Variants in ZNF574 observed in about 807,000 individuals in gnomAD.
ZNF574 encodes zinc finger protein 574.
A neutral mutation model predicts 56.6 loss-of-function variants in ZNF574; 25 were observed. That is an observed-to-expected ratio of 0.44 (90% CI 0.32 to 0.62). ZNF574 has a LOEUF of 0.62. Among genes scored for constraint, ZNF574 ranks in the 20% least tolerant of loss-of-function variants. ZNF574 has a pLI of 0.04. For synonymous variants in ZNF574, 543 were observed against 492.1 expected (o/e 1.10, Z -1.37); for missense variants, 1,065 against 1,218.9 (o/e 0.87, Z 1.88).
intron 1 of ZNF574, among the ~76,000 whole-genome samples, chr19:42,069,847 G>A (rs995427880): frequency 2.0e-5 from 3 of 152,176 alleles, no homozygotes; most frequent in Non-Finnish European, 4.4e-5. Flanking sequence ...GCATGCTGGG[G>A]GCGGGGAGAG....
Position 42,079,897 on chromosome 19 carries a change from G to A in ZNF574, c.1291G>A (p.Val431Ile). 1 of 1,614,066 alleles carries A rather than the reference G, an allele frequency of 6.2e-7. No individual in the cohort carries two copies. Among genetic ancestry groups the A allele is most frequent in the Non-Finnish European group, 8.5e-7 (1 of 1,180,020 alleles). The change falls in exon 2 of 2, where the codon GTC becomes ATC. Residue 431 changes from valine (V) to isoleucine (I), a missense_variant. By Grantham distance (29) the Val-to-Ile change is conservative. Coordinates refer to ENST00000359044, the MANE Select transcript of ZNF574 (RefSeq NM_022752.6). The surrounding 1 kb of genome is among the most constrained non-coding windows in gnomAD (Gnocchi z 4.3). ...AACACCAGTCCCACCAGAGGAACCT[G>A]TCATTGGTTTCCCTGAGCCAGCCCC... ...PTTPVPPEEP[V>I]IGFPEPAPAE...
rs201030946 is a variant in ZNF574, at chr19:42,081,012, C to T, written c.2406C>T (p.Ala802=). 41 of 1,614,208 alleles carry T rather than the reference C, an allele frequency of 2.5e-5. No homozygotes were observed. Among genetic ancestry groups the T allele is most frequent in the Non-Finnish European group, 3.5e-5 (41 of 1,180,050 alleles). ...TTGCCTGTGAAGTGTGTGGCAAGGC[C>T]TTTGCCATCTCCATGCGCCTGGCAG... ...RPFACEVCGK[A]FAISMRLAEH... is the part of the protein sequence containing the mutation. The change falls in exon 2 of 2, where the codon GCC becomes GCT. Residue 802 remains alanine (A), a synonymous_variant. Transcript: ENST00000359044.
In ZNF574 at chr19:42,078,247, G is replaced by A. The variant is rs144679854; in HGVS notation, c.-20-340G>A. Among the ~76,000 whole-genome samples, 318 of 152,180 alleles carry A rather than the reference G, an allele frequency of 2.1e-3. 1 individual carries two copies. Among genetic ancestry groups the A allele is most frequent in the Non-Finnish European group, 2.8e-3 (191 of 68,002 alleles). On this transcript the variant is annotated intron_variant, in intron 1 of 1. Coordinates refer to ENST00000359044, the MANE Select transcript of ZNF574 (RefSeq NM_022752.6). ...GTCAGTGGAAGGAGGTCTGAGTGGAGGTTCCCATGTGCTGGGCGGAACTGT... is the reference window on the plus strand; with the variant it reads ...GTCAGTGGAAGGAGGTCTGAGTGGAAGTTCCCATGTGCTGGGCGGAACTGT...
chr19:42,080,998 G>A lies in ZNF574; in HGVS notation c.2392G>A (p.Val798Met). 2 of 1,614,246 alleles carry A rather than the reference G, an allele frequency of 1.2e-6. No individual in the cohort carries two copies. Among genetic ancestry groups the A allele is most frequent in the Non-Finnish European group, 1.7e-6 (2 of 1,180,050 alleles). ...HTGERPFACE[V>M]CGKAFAISMR... ...AGGTGAGCGGCCCTTTGCCTGTGAA[G>A]TGTGTGGCAAGGCCTTTGCCATCTC... Residue 798 changes from valine to methionine, a missense_variant, in exon 2 of 2, where the codon GTG becomes ATG. Val to Met is a conservative substitution (Grantham distance 21). Transcript: ENST00000359044. The surrounding 1 kb of genome is among the most constrained non-coding windows in gnomAD (Gnocchi z 8.5).
At position 42,080,191 on chromosome 19, in the gene ZNF574, T is replaced by C; in HGVS notation, c.1585T>C (p.Ser529Pro). 1 of 1,612,726 alleles carries C rather than the reference T, an allele frequency of 6.2e-7. No individual in the cohort carries two copies. The change falls in exon 2 of 2, where the codon TCC becomes CCC. Residue 529 changes from serine (S) to proline (P), a missense_variant. Ser to Pro is a moderately conservative substitution (Grantham distance 74). Coordinates refer to ENST00000359044, the MANE Select transcript of ZNF574 (RefSeq NM_022752.6). This position sits in a 1 kb window ranked among gnomAD's most constrained non-coding sequence, Gnocchi z 8.5. ...GCGGCCCTTCCCCTGCCCTGACTGC[T>C]CCAAGCCCTTCAACTCACCTGCCAA... ...GERPFPCPDC[S>P]KPFNSPANLA...
upstream of ZNF574, among the ~76,000 whole-genome samples, chr19:42,072,457 C>T (rs1340904192): frequency 1.3e-5 from 2 of 151,822 alleles, no homozygotes; most frequent in African/African-American, 4.8e-5. Flanking sequence ...AGGATGGTCT[C>T]GATCTCCTGA....
Position 42,081,128 on chromosome 19 carries a change from G to A in ZNF574, c.2522G>A (p.Arg841His). The A allele has an allele frequency of 6.2e-7, 1 of 1,614,086 alleles. No homozygotes were observed. Among genetic ancestry groups the A allele is most frequent in the Admixed American group, 1.7e-5 (1 of 60,024 alleles). ...TCCTTCTCCAACCTCTGGAAGCACCGCAAGACCCATCAGCAGCAGCATCAG... is the reference window on the plus strand; with the variant it reads ...TCCTTCTCCAACCTCTGGAAGCACCACAAGACCCATCAGCAGCAGCATCAG... ...YRSFSNLWKH[R>H]KTHQQQHQAA... The change falls in exon 2 of 2, where the codon CGC becomes CAC. Residue 841 changes from arginine (R) to histidine (H), a missense_variant. Physicochemically the swap from Arg to His is conservative, Grantham distance 29. Transcript: ENST00000359044.
At chr19:42,073,105 C>G (rs140813643), upstream of ZNF574, among the ~76,000 whole-genome samples, 14 of 152,366 alleles carry the variant, frequency 9.2e-5, no homozygotes, top group African/African-American at 3.1e-4. Context: ...CATGCAACCA[C>G]TTGAACTTCC....
Position 42,078,802 on chromosome 19 carries a change from C to T in ZNF574, c.196C>T (p.Leu66Phe). The change falls in exon 2 of 2, where the codon CTC becomes TTC. Residue 66 changes from leucine to phenylalanine, a missense_variant. Transcript: ENST00000359044. ...VATDTASGTG[L>F]YQTLVQESQY... ...CACAGACACAGCTTCAGGCACGGGC[C>T]TCTATCAGACCCTTGTGCAGGAGAG... The T allele has an allele frequency of 6.2e-7, 1 of 1,614,074 alleles. No individual in the cohort carries two copies. Among genetic ancestry groups the T allele is most frequent in the Non-Finnish European group, 8.5e-7 (1 of 1,179,950 alleles).
At chr19:42,078,256 G>A (rs2076469306) in intron 1 of ZNF574, among the ~76,000 whole-genome samples, 1 of 152,088 alleles carries the variant, frequency 6.6e-6, no homozygotes, top group African/African-American at 2.4e-5. Flanking sequence ...AGGTTCCCAT[G>A]TGCTGGGCGG....
Position 42,079,611 on chromosome 19 carries a change from C to CT in ZNF574, c.1008dup (p.Lys337Ter), listed in dbSNP as rs2076482030. 1 of 1,614,218 alleles carries CT rather than the reference C, an allele frequency of 6.2e-7. No individual in the cohort carries two copies. Among genetic ancestry groups the CT allele is most frequent in the Non-Finnish European group, 8.5e-7 (1 of 1,180,030 alleles). ...ACCTGCGGAGTCACCGGGAGGGCGTCTTTAAGTGCCCCCTGTGCAGTCGTG... is the reference window on the plus strand; with the variant it reads ...ACCTGCGGAGTCACCGGGAGGGCGTCTTTTAAGTGCCCCCTGTGCAGTCGTG... On this transcript the variant is annotated frameshift_variant, in exon 2 of 2. Coordinates refer to ENST00000359044, the MANE Select transcript of ZNF574 (RefSeq NM_022752.6). LOFTEE classifies it high-confidence loss of function. This position sits in a 1 kb window ranked among gnomAD's most constrained non-coding sequence, Gnocchi z 4.3.
At chr19:42,072,820 T>G (rs1599871787), upstream of ZNF574, among the ~76,000 whole-genome samples, 1 of 152,146 alleles carries the variant, frequency 6.6e-6, no homozygotes, top group Non-Finnish European at 1.5e-5. Flanking sequence ...CCTGTCTCGG[T>G]CTCCCAAAGT....
upstream of ZNF574, among the ~76,000 whole-genome samples, chr19:42,072,538 GTTTTC>G (rs992205330): frequency 2.4e-4 from 37 of 151,036 alleles, no homozygotes; most frequent in East Asian, 5.8e-4. Context: ...ACCCGGCCAG[GTTTTC>G]TTTTCTTTTA....
At chr19:42,077,260 G>A (rs1370316042) in intron 1 of ZNF574, among the ~76,000 whole-genome samples, 1 of 152,092 alleles carries the variant, frequency 6.6e-6, no homozygotes, top group Non-Finnish European at 1.5e-5. Flanking sequence ...GAGAATAGGA[G>A]GTCCGGGTAT....
upstream of ZNF574, among the ~76,000 whole-genome samples, chr19:42,075,788 G>A (rs757187989): frequency 7.9e-6 from 1 of 127,280 alleles, no homozygotes; most frequent in African/African-American, 2.5e-5. Flanking sequence ...CCCCAACGCT[G>A]ACTCCCTCAC....
chr19:42,081,000 G>C lies in ZNF574; in HGVS notation c.2394G>C (p.Val798=). Residue 798 remains valine (V), a synonymous_variant, in exon 2 of 2, where the codon GTG becomes GTC. Transcript: ENST00000359044. The surrounding 1 kb of genome is among the most constrained non-coding windows in gnomAD (Gnocchi z 8.5). ...GTGAGCGGCCCTTTGCCTGTGAAGT[G>C]TGTGGCAAGGCCTTTGCCATCTCCA... ...HTGERPFACE[V]CGKAFAISMR... is the part of the protein sequence containing the mutation. The C allele has an allele frequency of 6.2e-7, 1 of 1,614,234 alleles. No individual in the cohort carries two copies. Among genetic ancestry groups the C allele is most frequent in the Non-Finnish European group, 8.5e-7 (1 of 1,180,048 alleles).
At position 42,081,323 on chromosome 19, in the gene ZNF574, C is replaced by T. The variant is rs760030150; in HGVS notation, c.*26C>T. On this transcript the variant is annotated 3_prime_UTR_variant, in exon 2 of 2. Transcript: ENST00000359044. ...CTCTGCCCGACTTCCTCTTTGGCAC[C>T]TCCATTCCCTGTTGCTGAAGGCCCT... 16 of 1,613,936 alleles carry T rather than the reference C, an allele frequency of 9.9e-6. No homozygotes were observed. Among genetic ancestry groups the T allele is most frequent in the South Asian group, 2.2e-5 (2 of 91,080 alleles).
upstream of ZNF574, among the ~76,000 whole-genome samples, chr19:42,075,601 C>T (rs1406255606): frequency 6.6e-6 from 1 of 152,176 alleles, no homozygotes; most frequent in Admixed American, 6.5e-5. Flanking sequence ...CCTTTTCTCT[C>T]TCCATGTGAC....
Position 42,079,293 on chromosome 19 carries a change from C to G in ZNF574, c.687C>G (p.Phe229Leu). Residue 229 changes from phenylalanine (F) to leucine (L), a missense_variant, in exon 2 of 2, where the codon TTC becomes TTG. Transcript: ENST00000359044. The surrounding 1 kb of genome is among the most constrained non-coding windows in gnomAD (Gnocchi z 4.3). ...CSQLFQLPAD[F>L]LEHQATHFPA... ...AGCTCTTCCAGCTGCCGGCGGATTT[C>G]CTGGAGCACCAGGCCACTCACTTCC... The G allele has an allele frequency of 6.2e-7, 1 of 1,614,038 alleles. No homozygotes were observed. Among genetic ancestry groups the G allele is most frequent in the Non-Finnish European group, 8.5e-7 (1 of 1,180,018 alleles).
Sources: gnomAD v4.1 joint callset for allele counts (sites outside exome capture counted in the v4.1 genomes callset) on GRCh38, gnomAD v4.1.1 for gene constraint, Gnocchi (gnomAD v3.1) non-coding constraint, MANE v1.5 for transcripts, NCBI Gene and HGNC (gene_info 2026-07-23, HGNC 2026-07-21) for gene names.